VGLL3: variants seen among roughly 807,000 people sequenced by gnomAD.
VGLL3 encodes the protein transcription cofactor vestigial-like protein 3.
A neutral mutation model predicts 29.2 loss-of-function variants in VGLL3; 18 were observed. The observed-to-expected ratio is 0.62, with a 90% CI of 0.43 to 0.91. The LOEUF (loss-of-function observed/expected upper bound fraction) is 0.91, where lower values mean the gene tolerates loss of function less well. Among genes scored for constraint, VGLL3 ranks in the 40% least tolerant of loss-of-function variants. The probability of loss-of-function intolerance (pLI) is 0.00; values close to 1 mark genes in which losing one functional copy is unlikely to be tolerated. For missense variants in VGLL3, 440 were observed against 413.2 expected, an observed-to-expected ratio of 1.06 and a Z score of -0.56; for synonymous variants, 180 against 151.8, an observed-to-expected ratio of 1.19 and a Z score of -1.36.
chr3:86,991,070 C>T lies in VGLL3; in HGVS notation c.-327G>A, dbSNP rs1055443444. The T allele has an allele frequency of 2.1e-5, 9 of 421,234 alleles. No homozygotes were observed. Among genetic ancestry groups the T allele is most frequent in the Admixed American group, 6.4e-5 (1 of 15,726 alleles). 26.1% of individuals were successfully genotyped at this position (421,234 alleles called of 1,614,324 possible). ...TCCGGCTCCCGCGAGGGCTGCGGCG[C>T]CCACGGCAGCGCCAGTCACAGCCAC... On this transcript the variant is annotated 5_prime_UTR_variant, in exon 1 of 4. Coordinates refer to ENST00000398399, the MANE Select transcript of VGLL3 (RefSeq NM_016206.4).
Position 86,969,113 on chromosome 3 carries a change from A to G in VGLL3, c.414T>C (p.Ala138=), listed in dbSNP as rs1310501092. 1.3e-5 allele frequency: 20 copies of G among 1,590,134 alleles called. No individual in the cohort carries two copies. In the East Asian group the frequency reaches 4.3e-4, roughly 34 times the overall value. ...GLTPLWRDSS[A]LSSQRNSFPT... Reference sequence around the variant, plus strand: ...GGAAACTATTCCGCTGGCTTGAGAGAGCTGAGCTGTCTGAGAAGACAGAAA... The same window carrying G: ...GGAAACTATTCCGCTGGCTTGAGAGGGCTGAGCTGTCTGAGAAGACAGAAA... The change falls in exon 3 of 4, where the codon GCT becomes GCC. Residue 138 remains alanine, a synonymous_variant. Coordinates refer to ENST00000398399, the MANE Select transcript of VGLL3 (RefSeq NM_016206.4).
At chr3:86,959,980 C>T (rs1052428653) in intron 3 of VGLL3, among the ~76,000 whole-genome samples, 1 of 152,050 alleles carries the variant, frequency 6.6e-6, no homozygotes, top group Non-Finnish European at 1.5e-5. Flanking sequence ...GAAACTGCCT[C>T]TCCATTTGCT....
chr3:86,962,203 G>C (rs1483479115), intron 3 of VGLL3: 1 of 985,266 alleles, frequency 1.0e-6, no homozygotes, highest in East Asian at 1.1e-4. Flanking sequence ...AATGACTTAT[G>C]ATCATACCAT....
chr3:86,963,079 G>A (rs1704889365), intron 3 of VGLL3: 1 of 186,730 alleles, frequency 5.4e-6, no homozygotes, highest in South Asian at 7.0e-5. Context: ...TGGGAGATAA[G>A]AGTGAAACTC....
chr3:86,960,502 A>G (rs983857596), intron 3 of VGLL3, among the ~76,000 whole-genome samples: 5 of 152,164 alleles, frequency 3.3e-5, no homozygotes, highest in African/African-American at 1.2e-4. Flanking sequence ...CACAGATTAG[A>G]GAGTAAAGTT....
At position 86,968,573 on chromosome 3, in the gene VGLL3, GAAAT is replaced by G; in HGVS notation, c.937+13_937+16del. Reference sequence around the variant, plus strand: ...AACTTTATCTTGTTATAGGAAGAAAGAAATCCAGCAGCTTACCTGTATCGAATCC... The same window carrying G: ...AACTTTATCTTGTTATAGGAAGAAAGCCAGCAGCTTACCTGTATCGAATCC... On this transcript the variant is annotated intron_variant, in intron 3 of 3. Transcript: ENST00000398399. 6.3e-7 allele frequency: 1 copy of G among 1,590,018 alleles called. No homozygotes were observed. Among genetic ancestry groups the G allele is most frequent in the Non-Finnish European group, 8.6e-7 (1 of 1,166,436 alleles).
chr3:86,948,685 T>C (rs1559718977), intron 3 of VGLL3, among the ~76,000 whole-genome samples: 1 of 152,200 alleles, frequency 6.6e-6, no homozygotes, highest in Non-Finnish European at 1.5e-5. Flanking sequence ...ACTTCCTGAA[T>C]GCCAAAAGAT....
rs912472376 is a variant in VGLL3, at chr3:86,978,447, A to C, written c.403+79T>G. 1.1e-5 allele frequency: 16 copies of C among 1,490,086 alleles called. No individual in the cohort carries two copies. In the African/African-American group the frequency reaches 2.0e-4, roughly 18 times the overall value. The allele number at this position is 1,490,086 out of a possible 1,614,324, so 92.3% of individuals were successfully genotyped here. On this transcript the variant is annotated intron_variant, in intron 2 of 3. Coordinates refer to ENST00000398399, the MANE Select transcript of VGLL3 (RefSeq NM_016206.4). ...AAGTGGATATCCATCCTCAGGGGCA[A>C]GTCTCCAGCTGGAACCTGGTACAGG...
In VGLL3 at chr3:86,950,894, G is replaced by A. The variant is rs944432417; in HGVS notation, c.938-3827C>T. 5.9e-5 allele frequency among the ~76,000 whole-genome samples: 9 copies of A among 152,168 alleles called. No homozygotes were observed. The South Asian group carries it at 8.3e-4, about 14-fold the overall frequency. ...CTTGAGGCGGTTGTCAGAAATGAACGAAGAAACAAAGATTTCAATTGTTTA... is the reference window on the plus strand; with the variant it reads ...CTTGAGGCGGTTGTCAGAAATGAACAAAGAAACAAAGATTTCAATTGTTTA... On this transcript the variant is annotated intron_variant, in intron 3 of 3. Coordinates refer to ENST00000398399, the MANE Select transcript of VGLL3 (RefSeq NM_016206.4).
chr3:86,962,469 C>CT, intron 3 of VGLL3: 1 of 985,314 alleles, frequency 1.0e-6, no homozygotes, highest in Non-Finnish European at 1.2e-6. Flanking sequence ...TACTTCATTC[C>CT]TATGGCAGTT....
intron 3 of VGLL3, among the ~76,000 whole-genome samples, chr3:86,967,822 A>C (rs1704995981): frequency 6.6e-6 from 1 of 152,342 alleles, no homozygotes; most frequent in African/African-American, 2.4e-5. Flanking sequence ...CCAAAAATCA[A>C]GCTCAGACAT....
intron 3 of VGLL3, among the ~76,000 whole-genome samples, chr3:86,955,788 T>C (rs1704710417): frequency 6.6e-6 from 1 of 152,144 alleles, no homozygotes. Context: ...GCTTCAATGA[T>C]TATGAAGATG....
At chr3:86,950,543 A>G (rs547838149) in intron 3 of VGLL3, among the ~76,000 whole-genome samples, 147 of 152,336 alleles carry the variant, frequency 9.6e-4, no homozygotes, top group Non-Finnish European at 1.2e-3. Context: ...TTATCACAAA[A>G]TCAATTCAAG....
chr3:86,977,112 C>T (rs578103677), intron 2 of VGLL3, among the ~76,000 whole-genome samples: 82 of 152,036 alleles, frequency 5.4e-4, no homozygotes, highest in Middle Eastern at 3.4e-3. Flanking sequence ...TCCATCAAGG[C>T]CTTGGATATT....
At position 86,947,049 on chromosome 3, in the gene VGLL3, T is replaced by G; in HGVS notation, c.956A>C (p.Lys319Thr). 1 of 780,730 alleles carries G rather than the reference T, an allele frequency of 1.3e-6. No individual in the cohort carries two copies. Among genetic ancestry groups the G allele is most frequent in the Non-Finnish European group, 2.4e-6 (1 of 417,904 alleles). The allele number at this position is 780,730 out of a possible 1,614,324, so 48.4% of individuals were successfully genotyped here. ...TCAGTACCACGGTGATTCCTTACTC[T>G]TGTCTTGATGCTGTAGACCTGGAAC... Reference protein sequence around the residue: ...GFDTGLQHQDKSKESPWY With the variant: ...GFDTGLQHQDTSKESPWY Residue 319 changes from lysine to threonine, a missense_variant, in exon 4 of 4, where the codon AAG (lysine) becomes ACG (threonine). Transcript: ENST00000398399.
At chr3:86,949,368 A>C (rs1325092882) in intron 3 of VGLL3, among the ~76,000 whole-genome samples, 5 of 152,174 alleles carry the variant, frequency 3.3e-5, no homozygotes, top group Non-Finnish European at 5.9e-5. Flanking sequence ...AATGTATCAG[A>C]TATCTAATGG....
intron 3 of VGLL3, among the ~76,000 whole-genome samples, chr3:86,966,658 T>C (rs1053230650): frequency 1.3e-5 from 2 of 151,108 alleles, no homozygotes; most frequent in Non-Finnish European, 2.9e-5. Context: ...CTTGGACACA[T>C]AACAATGTAA....
intron 3 of VGLL3, among the ~76,000 whole-genome samples, chr3:86,955,650 C>G (rs1031200673): frequency 6.6e-6 from 1 of 152,152 alleles, no homozygotes; most frequent in African/African-American, 2.4e-5. Context: ...CTTGGCCTCC[C>G]AAAGTGTTGG....
At chr3:86,950,228 G>A (rs1559719694) in intron 3 of VGLL3, among the ~76,000 whole-genome samples, 1 of 152,052 alleles carries the variant, frequency 6.6e-6, no homozygotes, top group Non-Finnish European at 1.5e-5. Context: ...TTCAGACTGT[G>A]AGATTTTTCA....
Sources: allele counts gnomAD v4.1 joint callset (sites outside exome capture counted in the v4.1 genomes callset), GRCh38; gene constraint gnomAD v4.1.1; transcripts MANE v1.5; gene names NCBI Gene and HGNC (gene_info 2026-07-23, HGNC 2026-07-21).